CISD3: variants seen among roughly 807,000 people sequenced by gnomAD.
CISD3 encodes the protein CDGSH iron sulfur domain 3.
In CISD3, 11 loss-of-function variants were observed where a neutral mutation model predicts 14.1. The ratio of observed to expected loss-of-function variants is 0.78; its 90% CI spans 0.49 to 1.29. The LOEUF (loss-of-function observed/expected upper bound fraction) is 1.29, where lower values mean the gene tolerates loss of function less well. CISD3 is among the 50% of genes most tolerant of loss of function. CISD3 has a pLI of 0.00. For missense variants in CISD3, 156 were observed against 171.6 expected (o/e 0.91, Z 0.51); for synonymous variants, 53 against 69.2 (o/e 0.77, Z 1.16).
At chr17:38,732,975 T>A (rs1182868489) in intron 3 of CISD3, among the ~76,000 whole-genome samples, 1 of 133,612 alleles carries the variant, frequency 7.5e-6, no homozygotes, top group Non-Finnish European at 1.6e-5. Context: ...ACACTCACAC[T>A]CTATTAGTGT....
At chr17:38,731,522 C>T in intron 3 of CISD3, 83 bp downstream of exon 3, 1 of 1,521,024 alleles carries the variant, frequency 6.6e-7, no homozygotes. Context: ...CCAGGATGAT[C>T]TTATTCTTCC....
At chr17:38,730,509 G>T in intron 1 of CISD3, 103 bp downstream of exon 1, 1 of 1,030,750 alleles carries the variant, frequency 9.7e-7, no homozygotes, top group Non-Finnish European at 1.4e-6. Context: ...GGAGCTCCCG[G>T]CCCGTCCCGC....
intron 3 of CISD3, 84 bp from the exon 4 acceptor site, chr17:38,733,192 C>T: frequency 1.5e-6 from 2 of 1,335,954 alleles, no homozygotes. Flanking sequence ...CACTGTGCTC[C>T]ACTCCCCCTG....
Position 38,735,076 on chromosome 17 carries a change from C to CATAT in CISD3, c.*1632_*1635dup, listed in dbSNP as rs557470857. ...ATGTATATTTGGTTTTTCCTATGTACATATATATATATATTTATTTATAAA... is the reference window on the plus strand; with the variant it reads ...ATGTATATTTGGTTTTTCCTATGTACATATATATATATATATATTTATTTATAAA... On this transcript the variant is annotated 3_prime_UTR_variant, in exon 4 of 4. Coordinates refer to ENST00000613478, the MANE Select transcript of CISD3 (RefSeq NM_001136498.2). 8.4e-6 allele frequency: 4 copies of CATAT among 474,334 alleles called. No homozygotes were observed. Among genetic ancestry groups the CATAT allele is most frequent in the Non-Finnish European group, 1.4e-5 (4 of 281,314 alleles). 29.4% of individuals were successfully genotyped at this position (474,334 alleles called of 1,614,324 possible). A position where few individuals can be genotyped will look rare whatever the true frequency, so the allele number is the denominator to read the frequency against.
At chr17:38,731,166 T>C in intron 2 of CISD3, 154 bp from the exon 3 acceptor site, 1 of 1,033,130 alleles carries the variant, frequency 9.7e-7, no homozygotes, top group Non-Finnish European at 1.4e-6. Flanking sequence ...TATGGTGTCC[T>C]GGGGAACGGT....
intron 2 of CISD3, 28 bp from the exon 3 acceptor site, chr17:38,731,292 C>G (rs1378769871): frequency 5.8e-6 from 9 of 1,550,066 alleles, no homozygotes; most frequent in Non-Finnish European, 7.8e-6. Context: ...TGAGCTAACC[C>G]TGAGCCCCTC....
At chr17:38,732,957 ACACACACACACT>A (rs1223316948) in intron 3 of CISD3, among the ~76,000 whole-genome samples, 8 of 117,470 alleles carry the variant, frequency 6.8e-5, no homozygotes, top group Non-Finnish European at 1.2e-4. Flanking sequence ...ACACACACAC[ACACACACACACT>A]CACACTCTAT....
intron 2 of CISD3, 64 bp downstream of exon 2, chr17:38,730,859 A>G (rs1192481926): frequency 2.7e-6 from 4 of 1,477,310 alleles, no homozygotes; most frequent in Non-Finnish European, 3.7e-6. Flanking sequence ...TCTCAAAGGC[A>G]GAAACAGGAA....
chr17:38,734,967 C>T lies in CISD3; in HGVS notation c.*1512C>T. 3.1e-6 allele frequency: 1 copy of T among 326,920 alleles called. No individual in the cohort carries two copies. The highest frequency in any genetic ancestry group is 5.5e-6 in the Non-Finnish European group (1 of 183,056). The allele number at this position is 326,920 out of a possible 1,614,324, so 20.3% of individuals were successfully genotyped here. A position where few individuals can be genotyped will look rare whatever the true frequency, so the allele number is the denominator to read the frequency against. On this transcript the variant is annotated 3_prime_UTR_variant, in exon 4 of 4. Transcript: ENST00000613478. ...CAAGACCCCCCCCAAAAAAAATGAA[C>T]ACCATTTTCCACACATACACACACA...
Position 38,733,478 on chromosome 17 carries a change from C to T in CISD3, c.*23C>T, listed in dbSNP as rs1454281821. The T allele has an allele frequency of 8.0e-6, 12 of 1,499,104 alleles. No homozygotes were observed. The highest frequency in any genetic ancestry group is 1.1e-5 in the Non-Finnish European group (12 of 1,119,572). 92.9% of individuals were successfully genotyped at this position (1,499,104 alleles called of 1,614,324 possible). On this transcript the variant is annotated 3_prime_UTR_variant, in exon 4 of 4. Coordinates refer to ENST00000613478, the MANE Select transcript of CISD3 (RefSeq NM_001136498.2). ...TGAGGGGGCTGCTGCTGTCCAGCCA[C>T]AGGTGGCCTTGGCTCCAGGCCTCTG... is the stretch of plus-strand genomic sequence containing the variant.
chr17:38,731,722 A>C (rs992586144), intron 3 of CISD3: 11 of 400,568 alleles, frequency 2.7e-5, no homozygotes, highest in African/African-American at 2.2e-4. Flanking sequence ...GGTGCACTGC[A>C]TGGCGAAGCT....
At chr17:38,731,645 A>G (rs1183124935) in intron 3 of CISD3, among the ~76,000 whole-genome samples, 2 of 152,208 alleles carry the variant, frequency 1.3e-5, no homozygotes, top group African/African-American at 4.8e-5. Context: ...ACAGAAACTC[A>G]GTCACGCAGC....
chr17:38,733,466 G>A lies in CISD3; in HGVS notation c.*11G>A. ...GGCTCCCCACTCTGAGGGGGCTGCT[G>A]CTGTCCAGCCACAGGTGGCCTTGGC... On this transcript the variant is annotated 3_prime_UTR_variant, in exon 4 of 4. Transcript: ENST00000613478. 2 of 1,513,074 alleles carry A rather than the reference G, an allele frequency of 1.3e-6. No homozygotes were observed. The highest frequency in any genetic ancestry group is 1.8e-6 in the Non-Finnish European group (2 of 1,125,674). The allele number at this position is 1,513,074 out of a possible 1,614,324, so 93.7% of individuals were successfully genotyped here. A position where few individuals can be genotyped will look rare whatever the true frequency, so the allele number is the denominator to read the frequency against.
At chr17:38,732,529 C>T (rs1318101243) in intron 3 of CISD3, among the ~76,000 whole-genome samples, 2 of 152,156 alleles carry the variant, frequency 1.3e-5, no homozygotes, top group African/African-American at 2.4e-5. Context: ...CCCAGCCATA[C>T]TGGAGGCTGA....
At chr17:38,733,214 C>A (rs1906421033) in intron 3 of CISD3, 62 bp from the exon 4 acceptor site, 12 of 1,388,804 alleles carry the variant, frequency 8.6e-6, no homozygotes, top group Non-Finnish European at 1.1e-5. Flanking sequence ...GCTCCTGCAG[C>A]CTGCCCTGCC....
chr17:38,730,686 C>G (rs576756123), intron 1 of CISD3, 74 bp from the exon 2 acceptor site: 76 of 1,468,754 alleles, frequency 5.2e-5, no homozygotes, highest in African/African-American at 3.6e-4. Flanking sequence ...CGTGTCCTTC[C>G]CTTTCCACTG....
rs1906592410 is a variant in CISD3, at chr17:38,735,244, A to C, written c.*1789A>C. On this transcript the variant is annotated 3_prime_UTR_variant, in exon 4 of 4. Transcript: ENST00000613478. ...GGCCTCAAGTTAAGGGGGGCACGGG[A>C]GCGCCGTTGACAGTCATCTTGCGCC... 1 of 1,445,560 alleles carries C rather than the reference A, an allele frequency of 6.9e-7. No individual in the cohort carries two copies. The highest frequency in any genetic ancestry group is 1.4e-5 in the African/African-American group (1 of 70,524). 89.5% of individuals were successfully genotyped at this position (1,445,560 alleles called of 1,614,324 possible). A position where few individuals can be genotyped will look rare whatever the true frequency, so the allele number is the denominator to read the frequency against.
Position 38,734,054 on chromosome 17 carries a change from CGA to C in CISD3, c.*601_*602del, listed in dbSNP as rs1906485633. The stretch of plus-strand genomic sequence containing the variant: ...ACACACCTACGCTATGATGGAATCT[CGA>C]GTCTCGACTCCCGACTCCTCTCAGA... On this transcript the variant is annotated 3_prime_UTR_variant, in exon 4 of 4. Transcript: ENST00000613478. The C allele has an allele frequency of 6.6e-6, 1 of 152,118 alleles. No individual in the cohort carries two copies. The highest frequency in any genetic ancestry group is 2.4e-5 in the African/African-American group (1 of 41,338). 9.4% of individuals were successfully genotyped at this position (152,118 alleles called of 1,614,324 possible).
At chr17:38,733,225 C>G in intron 3 of CISD3, 51 bp from the exon 4 acceptor site, 1 of 1,544,200 alleles carries the variant, frequency 6.5e-7, no homozygotes, top group Non-Finnish European at 8.8e-7. Flanking sequence ...CTGCCCTGCC[C>G]TGCCCCAGCA....
Sources: allele counts gnomAD v4.1 joint callset (sites outside exome capture counted in the v4.1 genomes callset), GRCh38; gene constraint gnomAD v4.1.1; transcripts MANE v1.5; gene names NCBI Gene and HGNC (gene_info 2026-07-23, HGNC 2026-07-21).